CRTC1: variants seen among roughly 807,000 people sequenced by gnomAD.
CRTC1 encodes CREB-regulated transcription coactivator 1.
In CRTC1, 18 loss-of-function variants were observed where a neutral mutation model predicts 66.1. The ratio of observed to expected loss-of-function variants is 0.27; its 90% CI spans 0.19 to 0.40. The LOEUF (loss-of-function observed/expected upper bound fraction) is 0.40, where lower values mean the gene tolerates loss of function less well. CRTC1 is among the 10% of genes least tolerant of loss of function. The probability of loss-of-function intolerance (pLI) is 1.00; values close to 1 mark genes in which losing one functional copy is unlikely to be tolerated. For synonymous variants in CRTC1, 416 were observed against 398.8 expected, an observed-to-expected ratio of 1.04 and a Z score of -0.51; for missense variants, 669 against 887.9, an observed-to-expected ratio of 0.75 and a Z score of 3.13.
At chr19:18,770,290 C>A (rs1207758350) in intron 10 of CRTC1, among the ~76,000 whole-genome samples, 1 of 152,216 alleles carries the variant, frequency 6.6e-6, no homozygotes. Context: ...GGCCTTTCGT[C>A]CCTCGAGCAG....
chr19:18,771,472 G>C lies in CRTC1; in HGVS notation c.1351G>C (p.Ala451Pro). 1 of 1,613,542 alleles carries C rather than the reference G, an allele frequency of 6.2e-7. No individual in the cohort carries two copies. The highest frequency in any genetic ancestry group is 8.5e-7 in the Non-Finnish European group (1 of 1,179,722). The change falls in exon 11 of 14, where the codon GCC (alanine) becomes CCC (proline). Residue 451 changes from alanine (A) to proline (P), a missense_variant. Physicochemically the swap from Ala to Pro is conservative, Grantham distance 27. Around this residue, in one of 8 missense-constraint regions of CRTC1, gnomAD observed 241 missense variants for 242.2 expected, o/e 0.99. Transcript: ENST00000321949. This position sits in a 1 kb window ranked among gnomAD's most constrained non-coding sequence, Gnocchi z 4.6. Reference protein sequence around the residue: ...APALQQYRTSAGSPANQSPTS... With the variant: ...APALQQYRTSPGSPANQSPTS... ...GGCTCTGCAGCAGTACCGCACTAGC[G>C]CCGGCTCCCCGGCCAACCAGTCTCC...
rs751460731 is a variant in CRTC1 at position 18,777,284 on chromosome 19, G to A, written c.1807G>A (p.Asp603Asn). 2 of 1,612,180 alleles carry A rather than the reference G, an allele frequency of 1.2e-6. No homozygotes were observed. Among genetic ancestry groups the A allele is most frequent in the East Asian group, 2.2e-5 (1 of 44,840 alleles). ...SQFPLDELKI[D>N]PLTLDGLHML... ...GTTTCCCCTGGACGAACTCAAGATC[G>A]ACCCCCTGACCCTCGACGGACTGCA... The change falls in exon 14 of 14, where the codon GAC (aspartate) becomes AAC (asparagine). Residue 603 changes from aspartate to asparagine, a missense_variant. By Grantham distance (23) the Asp-to-Asn change is conservative. Transcript: ENST00000321949. The surrounding 1 kb of genome is among the most constrained non-coding windows in gnomAD (Gnocchi z 5.5).
intron 1 of CRTC1, among the ~76,000 whole-genome samples, chr19:18,728,151 G>T (rs888848625): frequency 1.3e-5 from 2 of 152,142 alleles, no homozygotes; most frequent in African/African-American, 4.8e-5. Flanking sequence ...GTTGGGGATG[G>T]ACCAAGGGGG....
At position 18,777,774 on chromosome 19, in the gene CRTC1, C is replaced by T; in HGVS notation, c.*392C>T. ...GCGCATGGTCCGCCAGGGCTGTGGG[C>T]CGTGGCGCATTTTCCGACTGTTTGT... On this transcript the variant is annotated 3_prime_UTR_variant, in exon 14 of 14. Transcript: ENST00000321949. The surrounding 1 kb of genome is among the most constrained non-coding windows in gnomAD (Gnocchi z 5.5). 6.2e-6 allele frequency: 2 copies of T among 322,342 alleles called. No homozygotes were observed. The highest frequency in any genetic ancestry group is 5.8e-5 in the East Asian group (1 of 17,218). The allele number at this position is 322,342 out of a possible 1,614,324, so 20.0% of individuals were successfully genotyped here. A position where few individuals can be genotyped will look rare whatever the true frequency, so the allele number is the denominator to read the frequency against.
chr19:18,771,148 T>C lies in CRTC1; in HGVS notation c.1321-294T>C, dbSNP rs376578003. Among the ~76,000 whole-genome samples the C allele has an allele frequency of 2.9e-4, 44 of 152,250 alleles. No individual in the cohort carries two copies. Among genetic ancestry groups the C allele is most frequent in the African/African-American group, 1.0e-3 (42 of 41,542 alleles). ...CGTTGCTATATGGCTCTGAGCCTGCTGAGTCAGGGCCAACCCTCTGATCAC... is the reference window on the plus strand; with the variant it reads ...CGTTGCTATATGGCTCTGAGCCTGCCGAGTCAGGGCCAACCCTCTGATCAC... On this transcript the variant is annotated intron_variant, in intron 10 of 13. Coordinates refer to ENST00000321949, the MANE Select transcript of CRTC1 (RefSeq NM_015321.3). This position sits in a 1 kb window ranked among gnomAD's most constrained non-coding sequence, Gnocchi z 4.6.
chr19:18,685,225 T>C (rs1162160228), intron 1 of CRTC1, among the ~76,000 whole-genome samples: 1 of 152,166 alleles, frequency 6.6e-6, no homozygotes, highest in Non-Finnish European at 1.5e-5. Context: ...TTGGTAATGA[T>C]TGGGAGCTCA....
At chr19:18,759,004 G>A (rs2145801460) in intron 6 of CRTC1, among the ~76,000 whole-genome samples, 1 of 152,302 alleles carries the variant, frequency 6.6e-6, no homozygotes, top group East Asian at 1.9e-4. Flanking sequence ...GACTGCTGTG[G>A]TACAGCGTTG....
At chr19:18,699,827 G>T (rs1033631982) in intron 1 of CRTC1, among the ~76,000 whole-genome samples, 1 of 152,186 alleles carries the variant, frequency 6.6e-6, no homozygotes, top group African/African-American at 2.4e-5. Context: ...TGCTTTGCAA[G>T]GATCCCATTG....
chr19:18,703,455 G>A (rs539706819), intron 1 of CRTC1, among the ~76,000 whole-genome samples: 2 of 152,230 alleles, frequency 1.3e-5, no homozygotes, highest in Admixed American at 6.5e-5. Context: ...ATTTATTTAT[G>A]CATTTATTTA....
At chr19:18,697,414 A>G (rs185201759) in intron 1 of CRTC1, among the ~76,000 whole-genome samples, 2 of 151,948 alleles carry the variant, frequency 1.3e-5, no homozygotes, top group Admixed American at 1.3e-4. Context: ...TGTTCAAGCG[A>G]TTGTCCTGCC....
intron 10 of CRTC1, among the ~76,000 whole-genome samples, chr19:18,769,101 G>T (rs2054805134): frequency 6.6e-6 from 1 of 152,236 alleles, no homozygotes; most frequent in African/African-American, 2.4e-5. Context: ...CTGAAGCCAG[G>T]CTTCCTAGGA....
At chr19:18,727,248 TCAAA>T (rs71336690) in intron 1 of CRTC1, among the ~76,000 whole-genome samples, 10,611 of 149,344 alleles carry the variant, frequency 0.071, 523 homozygotes, top group Non-Finnish European at 0.1. Context: ...AGACCCTGTC[TCAAA>T]CAAACAAGGC....
chr19:18,706,796 T>G (rs1403230257), intron 1 of CRTC1, among the ~76,000 whole-genome samples: 1 of 152,242 alleles, frequency 6.6e-6, no homozygotes, highest in Non-Finnish European at 1.5e-5. Context: ...CATTTGTCTT[T>G]GGAGAAATGT....
At chr19:18,772,087 C>T (rs745937623) in intron 11 of CRTC1, among the ~76,000 whole-genome samples, 3 of 152,178 alleles carry the variant, frequency 2.0e-5, no homozygotes, top group South Asian at 2.1e-4. Context: ...ATTCCACAGA[C>T]GGGAGACTGA....
intron 6 of CRTC1, among the ~76,000 whole-genome samples, chr19:18,756,614 T>TAA (rs56046314): frequency 0.2 from 28,858 of 147,038 alleles, 2,808 homozygotes; most frequent in Middle Eastern, 0.29. Context: ...ACCCTGTCTC[T>TAA]AAAAAAAAAA....
In CRTC1 at chr19:18,684,148, G is replaced by A. The variant is rs530394896; in HGVS notation, c.126+320G>A. ...AGTACCTCGTCGTTACCTGACAGGGGACAGGTGTCCCTACATCATTGTTAC... is the reference window on the plus strand; with the variant it reads ...AGTACCTCGTCGTTACCTGACAGGGAACAGGTGTCCCTACATCATTGTTAC... On this transcript the variant is annotated intron_variant, in intron 1 of 13. Transcript: ENST00000321949. 3.9e-5 allele frequency among the ~76,000 whole-genome samples: 6 copies of A among 152,098 alleles called. No individual in the cohort carries two copies. In the East Asian group the frequency reaches 9.7e-4, roughly 25 times the overall value.
At chr19:18,712,713 G>C (rs576659423) in intron 1 of CRTC1, among the ~76,000 whole-genome samples, 26 of 152,062 alleles carry the variant, frequency 1.7e-4, no homozygotes, top group Non-Finnish European at 1.5e-5. Context: ...TAATCCCAAC[G>C]CTTTGGGAGG....
Position 18,781,638 on chromosome 19 carries a change from GGAGT to G in CRTC1, c.*4262_*4265del, listed in dbSNP as rs1257938264. ...AGTTCCTGAGGGCATGGGTGGGGCA[GGAGT>G]GAGTGCCTCGTGATCCCAGCCTCAG... On this transcript the variant is annotated 3_prime_UTR_variant, in exon 14 of 14. Coordinates refer to ENST00000321949, the MANE Select transcript of CRTC1 (RefSeq NM_015321.3). The G allele has an allele frequency of 4.3e-6, 1 of 230,514 alleles. No homozygotes were observed. The highest frequency in any genetic ancestry group is 8.6e-6 in the Non-Finnish European group (1 of 116,424). The allele number at this position is 230,514 out of a possible 1,614,324, so 14.3% of individuals were successfully genotyped here. A position where few individuals can be genotyped will look rare whatever the true frequency, so the allele number is the denominator to read the frequency against.
intron 1 of CRTC1, among the ~76,000 whole-genome samples, chr19:18,701,045 C>T (rs1568483558): frequency 6.6e-6 from 1 of 152,334 alleles, no homozygotes; most frequent in African/African-American, 2.4e-5. Context: ...AATGCACAGA[C>T]CCTGGGGATG....
Sources: allele counts gnomAD v4.1 joint callset (sites outside exome capture counted in the v4.1 genomes callset), GRCh38; gene constraint gnomAD v4.1.1; regional missense constraint gnomAD v4.1.1; non-coding constraint Gnocchi (gnomAD v3.1); transcripts MANE v1.5; gene names NCBI Gene and HGNC (gene_info 2026-07-23, HGNC 2026-07-21).